Variants in NCKAP5 observed in about 807,000 individuals in gnomAD.
The protein encoded by NCKAP5 is nck-associated protein 5.
In NCKAP5, 92 loss-of-function variants were observed where a neutral mutation model predicts 167.0. The observed-to-expected ratio is 0.55, with a 90% confidence interval of 0.47 to 0.66. NCKAP5 has a LOEUF of 0.66. NCKAP5 is among the 30% of genes least tolerant of loss of function. The pLI is 0.00. For missense variants in NCKAP5, 2,378 were observed against 2,315.0 expected (o/e 1.03, Z -0.56); for synonymous variants, 891 against 877.4 (o/e 1.02, Z -0.27).
intron 6 of NCKAP5, among the ~76,000 whole-genome samples, chr2:133,095,569 G>GC (rs1310386528): frequency 1.3e-5 from 2 of 152,216 alleles, no homozygotes; most frequent in Non-Finnish European, 2.9e-5. Context: ...CAGGGGTGCA[G>GC]CCCCCAGCCA....
intron 6 of NCKAP5, among the ~76,000 whole-genome samples, chr2:133,068,059 C>T (rs2080259147): frequency 6.6e-6 from 1 of 152,108 alleles, no homozygotes; most frequent in Non-Finnish European, 1.5e-5. Flanking sequence ...TAGCTATCTT[C>T]CACCCATATT....
At chr2:132,881,836 C>G (rs1691783030) in intron 8 of NCKAP5, among the ~76,000 whole-genome samples, 1 of 152,258 alleles carries the variant, frequency 6.6e-6, no homozygotes, top group Non-Finnish European at 1.5e-5. Context: ...TGGGGAGATA[C>G]TTTGAGGCTA....
chr2:132,984,054 C>T (rs1035947750), intron 7 of NCKAP5, among the ~76,000 whole-genome samples: 2 of 152,088 alleles, frequency 1.3e-5, no homozygotes, highest in Non-Finnish European at 2.9e-5. Flanking sequence ...CCCAAGAGTT[C>T]GAGACCAGCC....
intron 6 of NCKAP5, among the ~76,000 whole-genome samples, chr2:133,056,841 C>T (rs1453664876): frequency 6.6e-6 from 1 of 152,156 alleles, no homozygotes; most frequent in East Asian, 1.9e-4. Context: ...AAAGTTGAAG[C>T]ACGCAACCAT....
At chr2:132,846,716 C>A (rs1688690120) in intron 11 of NCKAP5, among the ~76,000 whole-genome samples, 1 of 152,118 alleles carries the variant, frequency 6.6e-6, no homozygotes, top group Non-Finnish European at 1.5e-5. Flanking sequence ...CTGGTTCTTG[C>A]CAAATCCTTC....
intron 2 of NCKAP5, among the ~76,000 whole-genome samples, chr2:133,531,951 A>G (rs1017585632): frequency 2.0e-5 from 3 of 152,130 alleles, no homozygotes; most frequent in African/African-American, 4.8e-5. Context: ...ATTCTATCCT[A>G]CCTTCTCTCC....
chr2:133,115,775 G>GTATATATATATATA (rs10683280), intron 6 of NCKAP5, among the ~76,000 whole-genome samples: 76 of 94,292 alleles, frequency 8.1e-4, no homozygotes, highest in Non-Finnish European at 1.1e-3. Flanking sequence ...ATGTGTGTGT[G>GTATATATATATATA]TATATATATA....
Position 133,177,692 on chromosome 2 carries a change from A to G in NCKAP5, c.207+36024T>C, listed in dbSNP as rs1281814728. Among the ~76,000 whole-genome samples the G allele has an allele frequency of 2.0e-5, 3 of 152,070 alleles. No homozygotes were observed. The East Asian group carries it at 5.8e-4, about 29-fold the overall frequency. Reference sequence around the variant, plus strand: ...CATACTAGGGAGGCTATCATGAGGCACCCCAACAACACCCATGGGAGTGGT... The same window carrying G: ...CATACTAGGGAGGCTATCATGAGGCGCCCCAACAACACCCATGGGAGTGGT... On this transcript the variant is annotated intron_variant, in intron 5 of 19. Transcript: ENST00000409261.
At chr2:132,972,175 C>T (rs6738269) in intron 7 of NCKAP5, among the ~76,000 whole-genome samples, 2,840 of 152,206 alleles carry the variant, frequency 0.019, 89 homozygotes, top group African/African-American at 0.064. Context: ...CTTGCTAACC[C>T]TACTTCAGTA....
At chr2:133,501,073 AT>A (rs771206984) in intron 3 of NCKAP5, among the ~76,000 whole-genome samples, 1 of 152,328 alleles carries the variant, frequency 6.6e-6, no homozygotes, top group Non-Finnish European at 1.5e-5. Context: ...AACTGGACAG[AT>A]CGCTGGGCTC....
At chr2:133,172,796 C>A (rs2084304044) in intron 5 of NCKAP5, among the ~76,000 whole-genome samples, 1 of 152,130 alleles carries the variant, frequency 6.6e-6, no homozygotes, top group Non-Finnish European at 1.5e-5. Context: ...TACAGGCGCC[C>A]ACCAACACGC....
At chr2:132,768,089 C>G (rs1404541327) in intron 16 of NCKAP5, among the ~76,000 whole-genome samples, 1 of 152,206 alleles carries the variant, frequency 6.6e-6, no homozygotes, top group African/African-American at 2.4e-5. Flanking sequence ...GCACTGTGGC[C>G]TATGCCCTTT....
intron 11 of NCKAP5, among the ~76,000 whole-genome samples, chr2:132,839,052 G>A (rs1005764161): frequency 5.3e-5 from 8 of 152,012 alleles, no homozygotes; most frequent in Non-Finnish European, 7.4e-5. Context: ...ATTTTCTAGC[G>A]CCTTACATGT....
At chr2:132,958,649 C>T (rs2076412624) in intron 8 of NCKAP5, among the ~76,000 whole-genome samples, 1 of 152,112 alleles carries the variant, frequency 6.6e-6, no homozygotes, top group Admixed American at 6.5e-5. Context: ...CCAGGACAGA[C>T]TTCTTATTTC....
chr2:133,570,958 G>A (rs1486440072), upstream of NCKAP5, among the ~76,000 whole-genome samples: 1 of 152,114 alleles, frequency 6.6e-6, no homozygotes, highest in Non-Finnish European at 1.5e-5. Context: ...GGCCTTTATA[G>A]TAGAAACTCG....
intron 16 of NCKAP5, among the ~76,000 whole-genome samples, chr2:132,736,317 T>G (rs1691501878): frequency 2.6e-5 from 4 of 152,234 alleles, no homozygotes; most frequent in Admixed American, 2.6e-4. Flanking sequence ...TTCATAAAAA[T>G]ATTGTAACCC....
At chr2:133,122,615 T>G (rs2082284052) in intron 6 of NCKAP5, 1 of 152,178 alleles carries the variant, frequency 6.6e-6, no homozygotes, top group Admixed American at 6.6e-5. Flanking sequence ...TCCCCAGTAT[T>G]TAATTTTGGC....
chr2:133,659,105 A>G, the NCKAP5 span, among the ~76,000 whole-genome samples: 2 of 152,108 alleles, frequency 1.3e-5, no homozygotes, highest in Admixed American at 1.3e-4. Context: ...ATTAAATTCT[A>G]CTTCTTCTGT....
intron 8 of NCKAP5, among the ~76,000 whole-genome samples, chr2:132,884,041 T>G (rs1172709453): frequency 6.6e-6 from 1 of 152,192 alleles, no homozygotes; most frequent in Non-Finnish European, 1.5e-5. Flanking sequence ...CAGTCACGGT[T>G]CACATTCCAG....
Sources: allele counts gnomAD v4.1 joint callset (sites outside exome capture counted in the v4.1 genomes callset), GRCh38; gene constraint gnomAD v4.1.1; transcripts MANE v1.5; gene names NCBI Gene and HGNC (gene_info 2026-07-23, HGNC 2026-07-21).